The following SDC2 variants were observed in gnomAD, a reference collection of about 807,000 sequenced individuals.
SDC2 encodes the protein syndecan 2.
SDC2 carries 13 observed loss-of-function variants against 22.2 expected under a neutral mutation model. The observed-to-expected ratio is 0.59, with a 90% confidence interval of 0.38 to 0.93. The LOEUF (loss-of-function observed/expected upper bound fraction) is 0.93. SDC2 is among the 40% of genes least tolerant of loss of function. The pLI, the probability that SDC2 is intolerant of heterozygous loss-of-function variation, is 0.00. For missense variants in SDC2, 235 were observed against 246.8 expected (o/e 0.95, Z 0.32); for synonymous variants, 94 against 92.8 (o/e 1.01, Z -0.07).
At chr8:96,596,122 GA>G (rs1814871760) in intron 2 of SDC2, among the ~76,000 whole-genome samples, 1 of 152,178 alleles carries the variant, frequency 6.6e-6, no homozygotes, top group African/African-American at 2.4e-5. Context: ...ATTCCCACGA[GA>G]AAACCTGAGG....
At chr8:96,507,934 C>T (rs1813266587) in intron 1 of SDC2, among the ~76,000 whole-genome samples, 1 of 151,992 alleles carries the variant, frequency 6.6e-6, no homozygotes. Context: ...GAGGCAGAGG[C>T]GGGTGGATCA....
At chr8:96,586,161 C>G (rs1186222776) in intron 1 of SDC2, among the ~76,000 whole-genome samples, 1 of 152,162 alleles carries the variant, frequency 6.6e-6, no homozygotes, top group African/African-American at 2.4e-5. Context: ...GTCACATTTA[C>G]CTTTTCTGGC....
intron 1 of SDC2, among the ~76,000 whole-genome samples, chr8:96,530,530 A>C (rs1199943416): frequency 6.6e-6 from 1 of 152,122 alleles, no homozygotes; most frequent in Non-Finnish European, 1.5e-5. Context: ...GCTACTTGGG[A>C]GGCTGAGGCA....
chr8:96,502,019 C>T (rs568914208), intron 1 of SDC2, among the ~76,000 whole-genome samples: 21 of 152,154 alleles, frequency 1.4e-4, no homozygotes, highest in African/African-American at 4.8e-4. Flanking sequence ...CCTGCGTATT[C>T]GTGATCTAAT....
intron 1 of SDC2, among the ~76,000 whole-genome samples, chr8:96,522,798 G>T (rs572555646): frequency 6.6e-5 from 10 of 152,306 alleles, no homozygotes; most frequent in African/African-American, 2.2e-4. Flanking sequence ...CAGGATGTAA[G>T]GTGTAAAATA....
chr8:96,526,867 C>G (rs1001853078), intron 1 of SDC2, among the ~76,000 whole-genome samples: 4 of 152,046 alleles, frequency 2.6e-5, no homozygotes, highest in Non-Finnish European at 5.9e-5. Context: ...AGGGGAGGCT[C>G]GGACCTGCAG....
chr8:96,511,487 TAGTG>T (rs1399524692), intron 1 of SDC2, among the ~76,000 whole-genome samples: 1 of 152,258 alleles, frequency 6.6e-6, no homozygotes, highest in East Asian at 1.9e-4. Context: ...TTTATAGAAA[TAGTG>T]AGTTTCCTTT....
chr8:96,551,388 T>TA (rs1332135894), intron 1 of SDC2, among the ~76,000 whole-genome samples: 1 of 152,244 alleles, frequency 6.6e-6, no homozygotes, highest in Non-Finnish European at 1.5e-5. Context: ...CTAACACTGA[T>TA]ATACTGCCTG....
chr8:96,609,190 G>T (rs1168179432), intron 4 of SDC2, among the ~76,000 whole-genome samples, 195 bp from the exon 5 acceptor site: 1 of 152,176 alleles, frequency 6.6e-6, no homozygotes, highest in Non-Finnish European at 1.5e-5. Context: ...ACTAACCAAA[G>T]AAATTACTGT....
intron 1 of SDC2, among the ~76,000 whole-genome samples, chr8:96,505,454 AC>A (rs777091674): frequency 6.6e-6 from 1 of 151,952 alleles, no homozygotes; most frequent in Non-Finnish European, 1.5e-5. Flanking sequence ...CAGGTGCACC[AC>A]CACACGCAGC....
intron 1 of SDC2, among the ~76,000 whole-genome samples, chr8:96,512,399 C>T (rs1411239535): frequency 6.6e-6 from 1 of 152,172 alleles, no homozygotes; most frequent in African/African-American, 2.4e-5. Flanking sequence ...CCTAGTTCTT[C>T]CAGTAAGAAT....
chr8:96,575,376 G>A (rs1275758889), intron 1 of SDC2, among the ~76,000 whole-genome samples: 2 of 148,550 alleles, frequency 1.3e-5, no homozygotes, highest in Non-Finnish European at 3.0e-5. Context: ...TGGGGGTAGG[G>A]TGGGGTAGGG....
In SDC2 at chr8:96,501,295, C is replaced by CTTT. The variant is rs35998270; in HGVS notation, c.60+6991_60+6993dup. On this transcript the variant is annotated intron_variant, in intron 1 of 4. Coordinates refer to ENST00000302190, the MANE Select transcript of SDC2 (RefSeq NM_002998.4). ...TAAGGGAAAAGTTAAATACGTATTT[C>CTTT]TTTTTTTTTTTTTTTTTTTTTTTTT... is the stretch of plus-strand genomic sequence containing the variant. 8.5e-4 allele frequency among the ~76,000 whole-genome samples: 47 copies of CTTT among 55,160 alleles called. 1 individual carries two copies. Among genetic ancestry groups the CTTT allele is most frequent in the Non-Finnish European group, 9.7e-4 (28 of 28,908 alleles). The allele number at this position is 55,160 out of a possible 152,430, so 36.2% of individuals were successfully genotyped here.
chr8:96,600,551 G>A (rs192045947), intron 2 of SDC2, among the ~76,000 whole-genome samples: 22 of 152,322 alleles, frequency 1.4e-4, no homozygotes, highest in Admixed American at 3.3e-4. Context: ...TAGGAAGAAG[G>A]CAGGTACAGT....
chr8:96,565,097 T>TTTTTTTTTTTTTTTTTTGTTGTTGTTG (rs1329448270), intron 1 of SDC2, among the ~76,000 whole-genome samples: 2 of 128,628 alleles, frequency 1.6e-5, no homozygotes, highest in African/African-American at 6.4e-5. Flanking sequence ...TTTTTTTTTT[T>TTTTTTTTTTTTTTTTTTGTTGTTGTTG]TTGTTGAGAT....
chr8:96,568,329 T>G (rs1814334435), intron 1 of SDC2, among the ~76,000 whole-genome samples: 1 of 152,168 alleles, frequency 6.6e-6, no homozygotes, highest in Admixed American at 6.5e-5. Flanking sequence ...TAAACAAAAG[T>G]GGGGAACAGC....
intron 1 of SDC2, among the ~76,000 whole-genome samples, chr8:96,563,911 A>G (rs1399128211): frequency 6.6e-6 from 1 of 152,184 alleles, no homozygotes; most frequent in Non-Finnish European, 1.5e-5. Context: ...GAGGACACTT[A>G]CATATTTAGC....
chr8:96,568,639 T>C (rs1814339642), intron 1 of SDC2, among the ~76,000 whole-genome samples: 1 of 152,204 alleles, frequency 6.6e-6, no homozygotes, highest in African/African-American at 2.4e-5. Context: ...GGTTTGGAGA[T>C]TGTGAACTGA....
chr8:96,535,780 T>A lies in SDC2; in HGVS notation c.60+41449T>A, dbSNP rs144361979. ...TTAGAAAAATATTGTCTTCCATACC[T>A]AATTCACAGTCCTAATGATCAGGTA... On this transcript the variant is annotated intron_variant, in intron 1 of 4. Transcript: ENST00000302190. 8.6e-4 allele frequency among the ~76,000 whole-genome samples: 131 copies of A among 152,340 alleles called. 1 individual carries two copies. The East Asian group carries it at 0.022, about 25-fold the overall frequency.
Sources: gnomAD v4.1 joint callset for allele counts (sites outside exome capture counted in the v4.1 genomes callset) on GRCh38, gnomAD v4.1.1 for gene constraint, MANE v1.5 for transcripts, NCBI Gene and HGNC (gene_info 2026-07-23, HGNC 2026-07-21) for gene names.